The following ERCC6L2 variants were observed in gnomAD, a reference collection of about 807,000 sequenced individuals.
The protein encoded by ERCC6L2 is DNA excision repair protein ERCC-6-like 2.
ERCC6L2 carries 77 observed loss-of-function variants against 132.0 expected under a neutral mutation model. That is an observed-to-expected ratio of 0.58 (90% confidence interval 0.49 to 0.71). ERCC6L2 has a LOEUF of 0.71. Ranked by LOEUF, ERCC6L2 falls within the 30% of genes least tolerant of loss-of-function variation. The pLI, the probability that ERCC6L2 is intolerant of heterozygous loss-of-function variation, is 0.00. For synonymous variants in ERCC6L2, 583 were observed against 632.4 expected (o/e 0.92, Z 1.17); for missense variants, 1,542 against 1,837.6 (o/e 0.84, Z 2.94).
Position 95,926,078 on chromosome 9 carries a change from C to T in ERCC6L2, c.1534-2001C>T, listed in dbSNP as rs1415649726. Among the ~76,000 whole-genome samples the T allele has an allele frequency of 2.6e-5, 4 of 152,190 alleles. No homozygotes were observed. The East Asian group carries it at 7.7e-4, about 29-fold the overall frequency. On this transcript the variant is annotated intron_variant, in intron 9 of 18. Coordinates refer to ENST00000653738, the MANE Select transcript of ERCC6L2 (RefSeq NM_020207.7). ...ATTAGAACGGCCAAAATCCAGAACACTGTCAAGCCCAAATGTTGGTGAGGA... is the reference window on the plus strand; with the variant it reads ...ATTAGAACGGCCAAAATCCAGAACATTGTCAAGCCCAAATGTTGGTGAGGA...
chr9:95,936,058 A>G (rs753262676), intron 11 of ERCC6L2, among the ~76,000 whole-genome samples: 2 of 152,160 alleles, frequency 1.3e-5, no homozygotes, highest in African/African-American at 2.4e-5. Context: ...TGCAAGTGCA[A>G]TCTAATAACA....
intron 6 of ERCC6L2, 36 bp downstream of exon 6, chr9:95,916,470 G>A: frequency 2.1e-6 from 3 of 1,418,376 alleles, no homozygotes; most frequent in East Asian, 5.1e-5. Context: ...TTAATTTGTG[G>A]TCATATTTTT....
intron 12 of ERCC6L2, 67 bp from the exon 13 acceptor site, chr9:95,955,847 C>T: frequency 1.3e-6 from 1 of 782,094 alleles, no homozygotes; most frequent in Non-Finnish European, 2.0e-6. Context: ...TTTTATGTCC[C>T]CAAGTTACCT....
rs968460686 is a variant in ERCC6L2, at chr9:95,923,609, A to G, written c.1533+230A>G. ...TAGTAGTTGCTTCAAATATACTTCA[A>G]ATTTTCCTTATTGATATATTGGACT... On this transcript the variant is annotated intron_variant, in intron 9 of 18. Transcript: ENST00000653738. Among the ~76,000 whole-genome samples, 30 of 152,134 alleles carry G rather than the reference A, an allele frequency of 2.0e-4. 1 individual carries two copies. Among genetic ancestry groups the G allele is most frequent in the African/African-American group, 6.0e-4 (25 of 41,434 alleles).
chr9:95,972,460 C>A lies in ERCC6L2; in HGVS notation c.2709C>A (p.Val903=). 1 of 1,286,296 alleles carries A rather than the reference C, an allele frequency of 7.8e-7. No individual in the cohort carries two copies. The allele number at this position is 1,286,296 out of a possible 1,614,324, so 79.7% of individuals were successfully genotyped here. Residue 903 remains valine (V), a synonymous_variant, in exon 16 of 19, where the codon GTC becomes GTA. Transcript: ENST00000653738. ...TCACAGAATCAGAAGATAGTGATGT[C>A]ATCTGTCCTACACAATACACAACTG... ...QNVTESEDSD[V]ICPTQYTTER... is the part of the protein sequence containing the mutation.
Position 95,957,081 on chromosome 9 carries a change from G to A in ERCC6L2, c.1947+1068G>A, listed in dbSNP as rs184802896. On this transcript the variant is annotated intron_variant, in intron 13 of 18. Coordinates refer to ENST00000653738, the MANE Select transcript of ERCC6L2 (RefSeq NM_020207.7). The stretch of plus-strand genomic sequence containing the variant: ...TTCCTGGTACTTTTAGTATTCGTCC[G>A]AAATTGCATTAACTCTTTAATATGC... Among the ~76,000 whole-genome samples the A allele has an allele frequency of 4.1e-3, 628 of 152,206 alleles. 7 individuals are homozygous for A. Among genetic ancestry groups the A allele is most frequent in the African/African-American group, 0.014 (594 of 41,540 alleles).
chr9:95,929,925 C>G (rs1830265384), intron 11 of ERCC6L2, among the ~76,000 whole-genome samples: 1 of 152,172 alleles, frequency 6.6e-6, no homozygotes, highest in Non-Finnish European at 1.5e-5. Flanking sequence ...ACTTCCAGCT[C>G]ATTTGCTGAG....
At chr9:95,941,004 C>T (rs1830772993) in intron 11 of ERCC6L2, among the ~76,000 whole-genome samples, 1 of 152,064 alleles carries the variant, frequency 6.6e-6, no homozygotes, top group Admixed American at 6.6e-5. Flanking sequence ...TTCTCTGTAC[C>T]TTTCAGAGTT....
chr9:95,987,509 G>T (rs1328479920), intron 17 of ERCC6L2, among the ~76,000 whole-genome samples: 1 of 152,184 alleles, frequency 6.6e-6, no homozygotes, highest in African/African-American at 2.4e-5. Flanking sequence ...GCTCCAAAAT[G>T]ATCTCCTTGG....
intron 11 of ERCC6L2, among the ~76,000 whole-genome samples, chr9:95,937,336 A>C (rs1019015360): frequency 2.6e-5 from 4 of 152,106 alleles, no homozygotes; most frequent in African/African-American, 9.7e-5. Flanking sequence ...ATGTAGAGAC[A>C]TGTCATTGTG....
chr9:95,937,963 C>T (rs1168933117), intron 11 of ERCC6L2, among the ~76,000 whole-genome samples: 1 of 151,600 alleles, frequency 6.6e-6, no homozygotes, highest in Admixed American at 6.6e-5. Flanking sequence ...TTCCTAAGCC[C>T]TGCTTAGCTG....
At chr9:95,979,477 AG>A (rs1447249687) in intron 17 of ERCC6L2, among the ~76,000 whole-genome samples, 1 of 152,210 alleles carries the variant, frequency 6.6e-6, no homozygotes, top group African/African-American at 2.4e-5. Context: ...AGCTTTTCCT[AG>A]CACTCACTTT....
At chr9:96,001,812 G>T (rs1833692544) in intron 17 of ERCC6L2, among the ~76,000 whole-genome samples, 1 of 152,242 alleles carries the variant, frequency 6.6e-6, no homozygotes, top group Non-Finnish European at 1.5e-5. Flanking sequence ...GGAGCCCATG[G>T]AGTGGGTGGG....
intron 19 of ERCC6L2, among the ~76,000 whole-genome samples, chr9:96,023,627 C>A (rs548566828): frequency 6.6e-6 from 1 of 152,198 alleles, no homozygotes; most frequent in Non-Finnish European, 1.5e-5. Flanking sequence ...GAATGGAGCC[C>A]GGAGTTTCTC....
chr9:95,973,628 C>T (rs564026269), intron 16 of ERCC6L2, among the ~76,000 whole-genome samples: 2 of 152,142 alleles, frequency 1.3e-5, no homozygotes, highest in South Asian at 4.2e-4. Context: ...TCTCATGAGA[C>T]TTATTCGCTA....
At chr9:96,025,185 T>TC (rs1834344266) in intron 19 of ERCC6L2, among the ~76,000 whole-genome samples, 1 of 152,202 alleles carries the variant, frequency 6.6e-6, no homozygotes, top group South Asian at 2.1e-4. Flanking sequence ...CAGGCTGGTT[T>TC]CAGGTGTGGC....
rs1464077983 is a variant in ERCC6L2, at chr9:96,012,879, T to C, written c.4329T>C (p.Ser1443=). ...TSVISLLGDT[S]ILDDLFKSHG... is the part of the protein sequence containing the mutation. Reference sequence around the variant, plus strand: ...TGATAAGCTTACTTGGTGATACCTCTATTCTTGATGACCTTTTTAAAAGTC... The same window carrying C: ...TGATAAGCTTACTTGGTGATACCTCCATTCTTGATGACCTTTTTAAAAGTC... Residue 1443 remains serine (S), a synonymous_variant, in exon 19 of 19, where the codon TCT becomes TCC. Transcript: ENST00000653738. 1 of 1,367,682 alleles carries C rather than the reference T, an allele frequency of 7.3e-7. No homozygotes were observed. The highest frequency in any genetic ancestry group is 9.8e-7 in the Non-Finnish European group (1 of 1,021,858). 84.7% of individuals were successfully genotyped at this position (1,367,682 alleles called of 1,614,324 possible). A position where few individuals can be genotyped will look rare whatever the true frequency, so the allele number is the denominator to read the frequency against.
chr9:96,007,268 C>T (rs1357271718), intron 18 of ERCC6L2, among the ~76,000 whole-genome samples: 1 of 152,160 alleles, frequency 6.6e-6, no homozygotes, highest in Non-Finnish European at 1.5e-5. Flanking sequence ...ATGGTAATGA[C>T]AATGGCAATT....
intron 17 of ERCC6L2, among the ~76,000 whole-genome samples, chr9:95,988,528 G>A (rs1024030152): frequency 2.6e-5 from 4 of 152,180 alleles, no homozygotes. Flanking sequence ...GCTATGTAAG[G>A]CTATTTTGTT....
Sources: gnomAD v4.1 joint callset for allele counts (sites outside exome capture counted in the v4.1 genomes callset) on GRCh38, gnomAD v4.1.1 for gene constraint, MANE v1.5 for transcripts, NCBI Gene and HGNC (gene_info 2026-07-23, HGNC 2026-07-21) for gene names.